Variants in PRKCB observed in about 807,000 individuals in gnomAD.
The protein encoded by PRKCB is protein kinase C beta type.
PRKCB carries 13 observed loss-of-function variants against 81.5 expected under a neutral mutation model. That is an observed-to-expected ratio of 0.16 (90% confidence interval 0.10 to 0.25). The LOEUF is 0.25. PRKCB is among the 10% of genes least tolerant of loss of function. PRKCB has a pLI of 1.00. For synonymous variants in PRKCB, 335 were observed against 321.4 expected (o/e 1.04, Z -0.45); for missense variants, 509 against 875.7 (o/e 0.58, Z 5.29).
At chr16:23,885,554 G>T (rs1004152743) in intron 2 of PRKCB, among the ~76,000 whole-genome samples, 12 of 152,092 alleles carry the variant, frequency 7.9e-5, no homozygotes, top group Non-Finnish European at 1.5e-4. Context: ...TGATCTACCT[G>T]CCTTGGCCTC....
chr16:23,951,515 C>A (rs7199531), intron 2 of PRKCB, among the ~76,000 whole-genome samples: 35,495 of 151,292 alleles, frequency 0.23, 5,920 homozygotes, highest in African/African-American at 0.47. Context: ...ACCTCAACTC[C>A]AGTGATCTTC....
At chr16:24,018,882 C>T (rs1204285439) in intron 3 of PRKCB, among the ~76,000 whole-genome samples, 1 of 152,202 alleles carries the variant, frequency 6.6e-6, no homozygotes, top group Non-Finnish European at 1.5e-5. Context: ...ACATTCTCCA[C>T]TTTTCATGCT....
At chr16:23,909,022 GTTTGT>G (rs1395996521) in intron 2 of PRKCB, among the ~76,000 whole-genome samples, 2 of 152,210 alleles carry the variant, frequency 1.3e-5, no homozygotes, top group Non-Finnish European at 2.9e-5. Flanking sequence ...GAAGGCAGGG[GTTTGT>G]TTTGTTTTGT....
At chr16:24,138,845 C>CTT (rs991952336) in intron 9 of PRKCB, among the ~76,000 whole-genome samples, 2,284 of 78,846 alleles carry the variant, frequency 0.029, 40 homozygotes, top group African/African-American at 0.042. Flanking sequence ...CAGTATTTGT[C>CTT]TTTTTTTTTT....
At chr16:23,886,353 G>A (rs976502450) in intron 2 of PRKCB, among the ~76,000 whole-genome samples, 5 of 148,394 alleles carry the variant, frequency 3.4e-5, no homozygotes, top group Non-Finnish European at 7.4e-5. Flanking sequence ...AACATTCAAC[G>A]TCATCTTTAC....
In PRKCB at chr16:24,219,396, G is replaced by T; in HGVS notation, c.*4580G>T. 1 of 985,588 alleles carries T rather than the reference G, an allele frequency of 1.0e-6. No homozygotes were observed. Among genetic ancestry groups the T allele is most frequent in the Non-Finnish European group, 1.2e-6 (1 of 830,276 alleles). The allele number at this position is 985,588 out of a possible 1,614,324, so 61.1% of individuals were successfully genotyped here. A position where few individuals can be genotyped will look rare whatever the true frequency, so the allele number is the denominator to read the frequency against. ...GATAAACACCCAATTCTAGACTGTGGGTGGATTTTCGAGCTGACGGTGGTC... is the reference window on the plus strand; with the variant it reads ...GATAAACACCCAATTCTAGACTGTGTGTGGATTTTCGAGCTGACGGTGGTC... On this transcript the variant is annotated 3_prime_UTR_variant, in exon 17 of 17. Coordinates refer to ENST00000643927, the MANE Select transcript of PRKCB (RefSeq NM_002738.7).
At chr16:23,930,872 T>C (rs1963963797) in intron 2 of PRKCB, among the ~76,000 whole-genome samples, 1 of 150,326 alleles carries the variant, frequency 6.7e-6, no homozygotes, top group Admixed American at 6.6e-5. Context: ...AAGTGGTAAA[T>C]GCTATTACTT....
intron 2 of PRKCB, among the ~76,000 whole-genome samples, chr16:23,937,719 C>T (rs976145924): frequency 1.6e-4 from 24 of 152,190 alleles, no homozygotes; most frequent in African/African-American, 5.3e-4. Context: ...GACTCAGCTT[C>T]GTACCAAGTG....
rs1016296214 is a variant in PRKCB, at chr16:24,199,122, T to C, written c.1863+7892T>C. On this transcript the variant is annotated intron_variant, in intron 16 of 16. Transcript: ENST00000643927. ...AGCTTTTATAGCTTGCAAAGGTCCTTGTCCTATGCTCTGTTAGTATCATTT... is the reference window on the plus strand; with the variant it reads ...AGCTTTTATAGCTTGCAAAGGTCCTCGTCCTATGCTCTGTTAGTATCATTT... 2.6e-4 allele frequency among the ~76,000 whole-genome samples: 40 copies of C among 152,212 alleles called. 1 individual carries two copies. Among genetic ancestry groups the C allele is most frequent in the African/African-American group, 8.7e-4 (36 of 41,460 alleles).
Position 24,008,006 on chromosome 16 carries a change from C to CA in PRKCB, c.288+19428dup, listed in dbSNP as rs10695120. Among the ~76,000 whole-genome samples, 1,192 of 143,706 alleles carry CA rather than the reference C, an allele frequency of 8.3e-3. 9 individuals are homozygous for CA. Among genetic ancestry groups the CA allele is most frequent in the African/African-American group, 0.024 (943 of 39,318 alleles). The allele number at this position is 143,706 out of a possible 152,430, so 94.3% of individuals were successfully genotyped here. A position where few individuals can be genotyped will look rare whatever the true frequency, so the allele number is the denominator to read the frequency against. On this transcript the variant is annotated intron_variant, in intron 3 of 16. Coordinates refer to ENST00000643927, the MANE Select transcript of PRKCB (RefSeq NM_002738.7). ...TCTAGGATGTCTTGGTATTCTTTTT[C>CA]AAAAAAAAAAAACTAAGAGCCAGCA...
chr16:23,866,979 CTT>C (rs1220617834), intron 2 of PRKCB, among the ~76,000 whole-genome samples: 923 of 62,116 alleles, frequency 0.015, 23 homozygotes, highest in African/African-American at 0.057. Context: ...CCTTCCTTCC[CTT>C]CCTTCCCTTC....
At chr16:24,010,621 A>G (rs560923605) in intron 3 of PRKCB, among the ~76,000 whole-genome samples, 2 of 152,312 alleles carry the variant, frequency 1.3e-5, no homozygotes, top group Admixed American at 6.5e-5. Context: ...TGGCTGGGAC[A>G]TATCCTTAGT....
intron 2 of PRKCB, among the ~76,000 whole-genome samples, chr16:23,921,200 G>A (rs969223793): frequency 6.6e-6 from 1 of 152,158 alleles, no homozygotes; most frequent in African/African-American, 2.4e-5. Flanking sequence ...ATATCACAGG[G>A]TAATGAAGAA....
chr16:24,149,390 G>A (rs1335332705), intron 9 of PRKCB, among the ~76,000 whole-genome samples: 4 of 152,112 alleles, frequency 2.6e-5, no homozygotes, highest in Non-Finnish European at 4.4e-5. Context: ...GATTTATATC[G>A]AAAATGAAAG....
At position 24,216,087 on chromosome 16, in the gene PRKCB, A is replaced by G; in HGVS notation, c.*1271A>G. 3 of 985,330 alleles carry G rather than the reference A, an allele frequency of 3.0e-6. No individual in the cohort carries two copies. The highest frequency in any genetic ancestry group is 3.6e-6 in the Non-Finnish European group (3 of 829,906). The allele number at this position is 985,330 out of a possible 1,614,324, so 61.0% of individuals were successfully genotyped here. A position where few individuals can be genotyped will look rare whatever the true frequency, so the allele number is the denominator to read the frequency against. On this transcript the variant is annotated 3_prime_UTR_variant, in exon 17 of 17. Transcript: ENST00000643927. ...ACTACAAAGTGGGAACTGAGGAGGG[A>G]ACTCAGGAGAAAGGAACTAACTGCG...
At chr16:23,929,977 T>C (rs1015511282) in intron 2 of PRKCB, among the ~76,000 whole-genome samples, 2 of 151,986 alleles carry the variant, frequency 1.3e-5, no homozygotes, top group African/African-American at 4.8e-5. Flanking sequence ...TCTGTAACAT[T>C]TTATATGTGT....
intron 2 of PRKCB, among the ~76,000 whole-genome samples, chr16:23,970,623 C>T (rs1163299137): frequency 6.6e-6 from 1 of 152,224 alleles, no homozygotes; most frequent in African/African-American, 2.4e-5. Context: ...CCCTCTTCTT[C>T]TTCAGTGAGT....
chr16:24,088,694 A>T (rs1966337844), intron 5 of PRKCB, among the ~76,000 whole-genome samples: 1 of 142,030 alleles, frequency 7.0e-6, no homozygotes, highest in Non-Finnish European at 1.5e-5. Context: ...GCGCCACCGC[A>T]CTCCAGCGAG....
At chr16:24,150,962 T>C (rs1967071506) in intron 9 of PRKCB, among the ~76,000 whole-genome samples, 1 of 152,212 alleles carries the variant, frequency 6.6e-6, no homozygotes, top group East Asian at 1.9e-4. Flanking sequence ...ACACCCCTGT[T>C]TATTGATTTT....
Sources: gnomAD v4.1 joint callset for allele counts (sites outside exome capture counted in the v4.1 genomes callset) on GRCh38, gnomAD v4.1.1 for gene constraint, MANE v1.5 for transcripts, NCBI Gene and HGNC (gene_info 2026-07-23, HGNC 2026-07-21) for gene names.